Variants in PARD3B observed in about 807,000 individuals in gnomAD.
PARD3B encodes partitioning defective 3 homolog B.
In PARD3B, 103 loss-of-function variants were observed where a neutral mutation model predicts 130.2. That is an observed-to-expected ratio of 0.79 (90% CI 0.67 to 0.93). The LOEUF (loss-of-function observed/expected upper bound fraction) is 0.93. PARD3B is among the 40% of genes least tolerant of loss of function. The pLI is 0.00. For missense variants in PARD3B, 1,609 were observed against 1,499.2 expected, an observed-to-expected ratio of 1.07 and a Z score of -1.21; for synonymous variants, 583 against 553.2, an observed-to-expected ratio of 1.05 and a Z score of -0.76.
intron 15 of PARD3B, among the ~76,000 whole-genome samples, chr2:205,201,793 C>A (rs1382756079): frequency 6.6e-6 from 1 of 152,150 alleles, no homozygotes; most frequent in African/African-American, 2.4e-5. Flanking sequence ...GCGGAGATCA[C>A]GCCATTGCAC....
At chr2:204,598,848 T>G (rs1245967657) in intron 1 of PARD3B, among the ~76,000 whole-genome samples, 1 of 152,064 alleles carries the variant, frequency 6.6e-6, no homozygotes, top group Non-Finnish European at 1.5e-5. Flanking sequence ...TTTTAGAACT[T>G]TGATATAGTC....
At chr2:204,690,486 G>C (rs1185052056) in intron 2 of PARD3B, among the ~76,000 whole-genome samples, 1 of 152,142 alleles carries the variant, frequency 6.6e-6, no homozygotes. Context: ...AGGCAGGAGA[G>C]TATTAGAGAG....
chr2:204,792,984 T>C (rs2042249243), intron 2 of PARD3B, among the ~76,000 whole-genome samples: 1 of 152,110 alleles, frequency 6.6e-6, no homozygotes, highest in South Asian at 2.1e-4. Context: ...ATCACTGACA[T>C]TCTTTTAGAT....
chr2:205,186,461 G>C (rs895132074), intron 14 of PARD3B, among the ~76,000 whole-genome samples: 1 of 152,092 alleles, frequency 6.6e-6, no homozygotes, highest in Admixed American at 6.6e-5. Context: ...TTGTTCTTCT[G>C]ATGAGTTTTA....
intron 2 of PARD3B, among the ~76,000 whole-genome samples, chr2:204,853,059 GA>G (rs2044774059): frequency 6.6e-6 from 1 of 152,032 alleles, no homozygotes; most frequent in African/African-American, 2.4e-5. Context: ...GAATTTGATA[GA>G]AAGTGTTTCT....
intron 3 of PARD3B, among the ~76,000 whole-genome samples, chr2:205,008,317 G>A (rs1320297731): frequency 2.0e-5 from 3 of 149,716 alleles, no homozygotes; most frequent in African/African-American, 7.4e-5. Flanking sequence ...ATTGAAAGGA[G>A]TAGACTTTTC....
intron 2 of PARD3B, among the ~76,000 whole-genome samples, chr2:204,935,464 G>A (rs539342883): frequency 9.3e-5 from 14 of 150,192 alleles, no homozygotes; most frequent in East Asian, 1.9e-4. Context: ...GTGTGAACCC[G>A]GGAGGTGGAG....
chr2:204,556,127 A>T (rs2030907064), intron 1 of PARD3B, among the ~76,000 whole-genome samples: 1 of 152,302 alleles, frequency 6.6e-6, no homozygotes, highest in Middle Eastern at 3.4e-3. Flanking sequence ...AGAAATAATT[A>T]TTTTACCATG....
chr2:205,464,895 A>G (rs2048569167), intron 20 of PARD3B, among the ~76,000 whole-genome samples: 1 of 152,130 alleles, frequency 6.6e-6, no homozygotes, highest in Non-Finnish European at 1.5e-5. Flanking sequence ...CTGTAAAAAC[A>G]CCCATGAGAC....
At position 205,119,044 on chromosome 2, in the gene PARD3B, T is replaced by C; in HGVS notation, c.804T>C (p.Ala268=). ...NNVDLVDKTF[A]QAQDVFRQAM... The stretch of plus-strand genomic sequence containing the variant: ...TGGATCTCGTAGACAAAACCTTTGC[T>C]CAGTAAGCATTTTTTCATTGTTTTA... Residue 268 remains alanine, a splice_region_variant and synonymous_variant, in exon 7 of 23, where the codon GCT becomes GCC. Transcript: ENST00000406610. 1.3e-6 allele frequency: 2 copies of C among 1,597,914 alleles called. No homozygotes were observed. Among genetic ancestry groups the C allele is most frequent in the South Asian group, 2.3e-5 (2 of 87,714 alleles).
At chr2:205,061,327 A>G (rs1484298876) in intron 4 of PARD3B, among the ~76,000 whole-genome samples, 3 of 152,156 alleles carry the variant, frequency 2.0e-5, no homozygotes, top group Admixed American at 6.6e-5. Context: ...GTGGTTAAGA[A>G]CATGGACTGT....
intron 22 of PARD3B, among the ~76,000 whole-genome samples, chr2:205,582,877 C>T (rs2054043745): frequency 6.6e-6 from 1 of 152,108 alleles, no homozygotes; most frequent in Admixed American, 6.6e-5. Flanking sequence ...ATATCTGAGC[C>T]TACAGTTCCC....
At chr2:205,521,647 A>G (rs1450843003) in intron 21 of PARD3B, among the ~76,000 whole-genome samples, 2 of 152,094 alleles carry the variant, frequency 1.3e-5, no homozygotes, top group Admixed American at 6.5e-5. Flanking sequence ...CTACACTTAC[A>G]TGCTGTCTGT....
intron 21 of PARD3B, among the ~76,000 whole-genome samples, chr2:205,526,709 A>C (rs773164608): frequency 2.0e-5 from 3 of 152,194 alleles, no homozygotes; most frequent in Non-Finnish European, 4.4e-5. Flanking sequence ...AAAAAAATTA[A>C]ATGTACAAGA....
chr2:204,635,015 T>C (rs957498024), intron 1 of PARD3B, among the ~76,000 whole-genome samples: 4 of 152,208 alleles, frequency 2.6e-5, no homozygotes, highest in East Asian at 1.9e-4. Context: ...TAGGTTGATT[T>C]CCCAGAATCC....
intron 18 of PARD3B, among the ~76,000 whole-genome samples, chr2:205,318,454 C>T (rs764613327): frequency 1.1e-4 from 17 of 152,210 alleles, no homozygotes; most frequent in African/African-American, 3.1e-4. Flanking sequence ...AGTGATATGA[C>T]GACTATCGCA....
intron 4 of PARD3B, among the ~76,000 whole-genome samples, chr2:205,057,394 GTATA>G (rs1240019375): frequency 3.8e-5 from 5 of 131,780 alleles, no homozygotes; most frequent in Non-Finnish European, 8.1e-5. Flanking sequence ...ATATATACAT[GTATA>G]TGTGTTATAT....
chr2:204,644,106 C>T (rs369066478), intron 1 of PARD3B, among the ~76,000 whole-genome samples: 1 of 152,184 alleles, frequency 6.6e-6, no homozygotes, highest in South Asian at 2.1e-4. Context: ...TAACACATCT[C>T]ATCCCATCCC....
chr2:205,207,528 A>T (rs537686524), intron 15 of PARD3B, among the ~76,000 whole-genome samples: 1 of 142,790 alleles, frequency 7.0e-6, no homozygotes, highest in East Asian at 2.0e-4. Context: ...AAAAATGATA[A>T]AGGGGATATC....
Sources: gnomAD v4.1 joint callset for allele counts (sites outside exome capture counted in the v4.1 genomes callset) on GRCh38, gnomAD v4.1.1 for gene constraint, MANE v1.5 for transcripts, NCBI Gene and HGNC (gene_info 2026-07-23, HGNC 2026-07-21) for gene names.